The following CNTNAP2 variants were observed in gnomAD, a reference collection of about 807,000 sequenced individuals.
CNTNAP2 encodes the protein contactin-associated protein-like 2.
In CNTNAP2, 98 loss-of-function variants were observed where a neutral mutation model predicts 155.2. The ratio of observed to expected loss-of-function variants is 0.63; its 90% CI spans 0.54 to 0.75. The LOEUF (loss-of-function observed/expected upper bound fraction) is 0.75. CNTNAP2 is among the 30% of genes least tolerant of loss of function. The pLI, the probability that CNTNAP2 is intolerant of heterozygous loss-of-function variation, is 0.00. For missense variants in CNTNAP2, 1,727 were observed against 1,688.1 expected (o/e 1.02, Z -0.40); for synonymous variants, 651 against 631.2 (o/e 1.03, Z -0.47).
chr7:146,515,701 C>T (rs1035911008), intron 1 of CNTNAP2, among the ~76,000 whole-genome samples: 1 of 151,914 alleles, frequency 6.6e-6, no homozygotes, highest in Non-Finnish European at 1.5e-5. Flanking sequence ...TAACTAAATA[C>T]CTTGACCCCA....
intron 13 of CNTNAP2, among the ~76,000 whole-genome samples, chr7:147,762,943 A>G (rs903683700): frequency 6.6e-6 from 1 of 152,108 alleles, no homozygotes; most frequent in Admixed American, 6.5e-5. Flanking sequence ...GCATCTCAAA[A>G]GTTTGTTGTA....
chr7:147,439,015 G>A (rs1797597426), intron 10 of CNTNAP2, among the ~76,000 whole-genome samples: 1 of 151,704 alleles, frequency 6.6e-6, no homozygotes, highest in African/African-American at 2.4e-5. Context: ...TGCCAATTTT[G>A]TTTAACTTTT....
At chr7:147,132,126 G>GC in intron 7 of CNTNAP2, 119 bp from the exon 8 acceptor site, 1 of 1,312,698 alleles carries the variant, frequency 7.6e-7, no homozygotes, top group Non-Finnish European at 1.1e-6. Flanking sequence ...CTGTGTGTGA[G>GC]TTTAGCTTAG....
At chr7:147,786,596 G>A (rs978558606) in intron 13 of CNTNAP2, among the ~76,000 whole-genome samples, 6 of 152,196 alleles carry the variant, frequency 3.9e-5, no homozygotes, top group African/African-American at 1.2e-4. Flanking sequence ...GGGGAGTGCA[G>A]TTAGTACAGA....
chr7:146,546,308 A>G (rs1255448510), intron 1 of CNTNAP2, among the ~76,000 whole-genome samples: 1 of 151,958 alleles, frequency 6.6e-6, no homozygotes, highest in Non-Finnish European at 1.5e-5. Flanking sequence ...TGTTTGGATT[A>G]TTGCGTGTGG....
At chr7:146,503,596 T>C (rs1797338073) in intron 1 of CNTNAP2, among the ~76,000 whole-genome samples, 1 of 152,196 alleles carries the variant, frequency 6.6e-6, no homozygotes, top group Admixed American at 6.6e-5. Flanking sequence ...TTTAATCCAT[T>C]ATATTTGATT....
intron 3 of CNTNAP2, among the ~76,000 whole-genome samples, chr7:146,906,734 A>C (rs542289432): frequency 6.6e-6 from 1 of 152,280 alleles, no homozygotes; most frequent in South Asian, 2.1e-4. Context: ...AAACTCTAAA[A>C]CGCAGAACAC....
chr7:148,050,769 A>G (rs1454468205), intron 15 of CNTNAP2, among the ~76,000 whole-genome samples: 2 of 152,132 alleles, frequency 1.3e-5, no homozygotes, highest in Non-Finnish European at 2.9e-5. Context: ...CATTCTTTTT[A>G]TCTTTTACTC....
At chr7:146,569,056 G>T (rs954185975) in intron 1 of CNTNAP2, among the ~76,000 whole-genome samples, 14 of 150,746 alleles carry the variant, frequency 9.3e-5, no homozygotes, top group Non-Finnish European at 1.9e-4. Context: ...TCGCTCTGTC[G>T]CCCAGGCTGG....
chr7:147,979,223 A>G (rs1474367025), intron 15 of CNTNAP2, among the ~76,000 whole-genome samples: 2 of 152,180 alleles, frequency 1.3e-5, no homozygotes, highest in Admixed American at 1.3e-4. Context: ...TAAAATTGAG[A>G]CTGGTCAAGA....
At chr7:147,537,719 A>G (rs940472046) in intron 11 of CNTNAP2, among the ~76,000 whole-genome samples, 1 of 152,220 alleles carries the variant, frequency 6.6e-6, no homozygotes, top group Non-Finnish European at 1.5e-5. Flanking sequence ...ACCATTTTCA[A>G]AGAAACGCAC....
At chr7:146,535,646 A>C (rs55869746) in intron 1 of CNTNAP2, among the ~76,000 whole-genome samples, 66,710 of 150,096 alleles carry the variant, frequency 0.44, 16,779 homozygotes, top group African/African-American at 0.7. Flanking sequence ...CAAGGGCTAC[A>C]TATTCATGTT....
At chr7:146,902,494 A>C (rs1446891877) in intron 3 of CNTNAP2, among the ~76,000 whole-genome samples, 1 of 152,218 alleles carries the variant, frequency 6.6e-6, no homozygotes, top group African/African-American at 2.4e-5. Flanking sequence ...GCAAGTTTCC[A>C]CCACATTGTA....
At chr7:148,392,409 G>A (rs1418627537) in intron 22 of CNTNAP2, among the ~76,000 whole-genome samples, 2 of 152,174 alleles carry the variant, frequency 1.3e-5, no homozygotes, top group Non-Finnish European at 2.9e-5. Context: ...GTAGGTCCAG[G>A]CTAGATTCTC....
In CNTNAP2 at chr7:147,667,832, AT is replaced by A. The variant is rs371834919; in HGVS notation, c.2098+28527del. On this transcript the variant is annotated intron_variant, in intron 13 of 23. Transcript: ENST00000361727. ...ATAATAAAAAAAATAAAATAAAAAA[AT>A]AAAAGATACCAATGCAATTCTGGAA... is the stretch of plus-strand genomic sequence containing the variant. 4.2e-3 allele frequency among the ~76,000 whole-genome samples: 616 copies of A among 146,074 alleles called. 12 individuals are homozygous for A. The highest frequency in any genetic ancestry group is 0.011 in the Middle Eastern group (3 of 266).
intron 16 of CNTNAP2, among the ~76,000 whole-genome samples, chr7:148,136,939 A>T (rs1237982078): frequency 6.6e-6 from 1 of 152,192 alleles, no homozygotes; most frequent in East Asian, 1.9e-4. Flanking sequence ...GTTATCCAAA[A>T]CAAAGGAAGC....
At chr7:147,011,317 G>A (rs143038797) in intron 3 of CNTNAP2, among the ~76,000 whole-genome samples, 1 of 150,906 alleles carries the variant, frequency 6.6e-6, no homozygotes, top group Non-Finnish European at 1.5e-5. Flanking sequence ...GGAAGGCTAA[G>A]GTAGGAGAAT....
At chr7:147,732,150 T>G (rs1322781275) in intron 13 of CNTNAP2, among the ~76,000 whole-genome samples, 2 of 151,534 alleles carry the variant, frequency 1.3e-5, no homozygotes, top group Non-Finnish European at 2.9e-5. Flanking sequence ...AACTGGTCAT[T>G]TACATTAGGT....
chr7:147,419,503 A>G (rs1797253795), intron 10 of CNTNAP2, among the ~76,000 whole-genome samples: 1 of 152,198 alleles, frequency 6.6e-6, no homozygotes, highest in African/African-American at 2.4e-5. Flanking sequence ...GTCTAGCAAG[A>G]TGCCTTATTT....
Sources: allele counts gnomAD v4.1 joint callset (sites outside exome capture counted in the v4.1 genomes callset), GRCh38; gene constraint gnomAD v4.1.1; transcripts MANE v1.5; gene names NCBI Gene and HGNC (gene_info 2026-07-23, HGNC 2026-07-21).